SND1: variants seen among roughly 807,000 people sequenced by gnomAD.
SND1 encodes staphylococcal nuclease domain-containing protein 1.
Under a neutral mutation model 121.7 loss-of-function variants are expected in SND1, and 38 were observed. That is an observed-to-expected ratio of 0.31 (90% CI 0.24 to 0.41). SND1 has a LOEUF of 0.41. Ranked by LOEUF, SND1 falls within the 10% of genes least tolerant of loss-of-function variation. SND1 has a pLI of 1.00. For synonymous variants in SND1, 401 were observed against 447.4 expected, an observed-to-expected ratio of 0.90 and a Z score of 1.31; for missense variants, 868 against 1,184.6, an observed-to-expected ratio of 0.73 and a Z score of 3.92.
At chr7:127,816,613 C>T (rs1425931816) in intron 11 of SND1, among the ~76,000 whole-genome samples, 1 of 151,114 alleles carries the variant, frequency 6.6e-6, no homozygotes, top group Non-Finnish European at 1.5e-5. Flanking sequence ...TTAAGAAGGC[C>T]TTAATACGTT....
intron 1 of SND1, among the ~76,000 whole-genome samples, chr7:127,669,185 G>C (rs1317708775): frequency 6.6e-6 from 1 of 152,168 alleles, no homozygotes; most frequent in Non-Finnish European, 1.5e-5. Context: ...TAGAGACGGG[G>C]TTTCACCAGG....
chr7:128,043,861 TATACACACAC>T (rs1325760822), intron 16 of SND1, among the ~76,000 whole-genome samples: 2 of 48,920 alleles, frequency 4.1e-5, no homozygotes, highest in Admixed American at 2.3e-4. Flanking sequence ...TATATACACA[TATACACACAC>T]ACACACACAC....
At chr7:128,006,963 T>A (rs1802993890) in intron 16 of SND1, among the ~76,000 whole-genome samples, 1 of 152,212 alleles carries the variant, frequency 6.6e-6, no homozygotes, top group African/African-American at 2.4e-5. Flanking sequence ...ATCTCAGTCT[T>A]GTTTCCTGAG....
intron 15 of SND1, among the ~76,000 whole-genome samples, chr7:127,940,511 G>A (rs865874827): frequency 1.3e-5 from 2 of 152,198 alleles, no homozygotes; most frequent in South Asian, 4.2e-4. Flanking sequence ...TTAATGCTTT[G>A]AAATCTGGTA....
chr7:127,666,068 C>G (rs1369576208), intron 1 of SND1, among the ~76,000 whole-genome samples: 1 of 152,196 alleles, frequency 6.6e-6, no homozygotes, highest in Non-Finnish European at 1.5e-5. Flanking sequence ...CTGCCTCTAT[C>G]ACTTAAAAGC....
chr7:128,087,990 GGAGT>G (rs942517397), intron 21 of SND1, among the ~76,000 whole-genome samples: 1 of 152,186 alleles, frequency 6.6e-6, no homozygotes, highest in Non-Finnish European at 1.5e-5. Context: ...CCTGGTACCT[GGAGT>G]GAGAGCTGCG....
chr7:127,855,426 T>G (rs772188034), intron 12 of SND1, among the ~76,000 whole-genome samples: 9 of 152,176 alleles, frequency 5.9e-5, no homozygotes, highest in Admixed American at 3.9e-4. Flanking sequence ...TTTTTTTAAA[T>G]GTAGAGTTTG....
intron 11 of SND1, among the ~76,000 whole-genome samples, chr7:127,841,484 A>G (rs1004538637): frequency 2.6e-5 from 4 of 152,080 alleles, no homozygotes; most frequent in African/African-American, 7.2e-5. Flanking sequence ...TGGTATAGCC[A>G]CCTTCACTGT....
intron 12 of SND1, among the ~76,000 whole-genome samples, chr7:127,856,570 G>A (rs1799277786): frequency 6.6e-6 from 1 of 152,220 alleles, no homozygotes; most frequent in Non-Finnish European, 1.5e-5. Flanking sequence ...AGATGTTTAA[G>A]AGCATTAGCT....
intron 1 of SND1, 24 bp downstream of exon 1, chr7:127,652,475 A>G: frequency 6.5e-7 from 1 of 1,543,526 alleles, no homozygotes; most frequent in South Asian, 1.2e-5. Context: ...CCGGACACCG[A>G]CCCCTCTGCC....
chr7:128,066,484 T>C (rs1263500901), intron 16 of SND1, among the ~76,000 whole-genome samples: 1 of 152,174 alleles, frequency 6.6e-6, no homozygotes, highest in Non-Finnish European at 1.5e-5. Flanking sequence ...CAGAACCACA[T>C]TGCCACAGTA....
chr7:127,702,199 T>C (rs1796116798), intron 5 of SND1, among the ~76,000 whole-genome samples: 1 of 152,144 alleles, frequency 6.6e-6, no homozygotes, highest in South Asian at 2.1e-4. Context: ...AGCCATGAGG[T>C]CCCAGACAGT....
At chr7:127,857,771 T>A in intron 12 of SND1, 1 of 651,016 alleles carries the variant, frequency 1.5e-6, no homozygotes, top group East Asian at 2.6e-5. Context: ...TCCAACTTCC[T>A]CACTGCCTGA....
In SND1 at chr7:127,652,370, A is replaced by C. The variant is rs1795136251; in HGVS notation, c.-4A>C. 3 of 1,573,688 alleles carry C rather than the reference A, an allele frequency of 1.9e-6. No homozygotes were observed. The East Asian group carries it at 6.8e-5, about 36-fold the overall frequency. On this transcript the variant is annotated 5_prime_UTR_variant, in exon 1 of 24. Transcript: ENST00000354725. ...CTCCACTCGTTGCCTTTGCATCTCC[A>C]CACATGGCGTCCTCCGCGCAGAGCG...
intron 10 of SND1, among the ~76,000 whole-genome samples, chr7:127,805,502 CCTTGA>C (rs1374709046): frequency 6.6e-6 from 1 of 152,144 alleles, no homozygotes; most frequent in Non-Finnish European, 1.5e-5. Flanking sequence ...ACTCAAATTT[CCTTGA>C]CACTGAAAGT....
rs935233695 is a variant in SND1 at position 128,043,173 on chromosome 7, C to A, written c.1780-31329C>A. 5.4e-4 allele frequency among the ~76,000 whole-genome samples: 82 copies of A among 152,224 alleles called. 1 individual carries two copies. The highest frequency in any genetic ancestry group is 1.9e-3 in the African/African-American group (80 of 41,518). On this transcript the variant is annotated intron_variant, in intron 16 of 23. Transcript: ENST00000354725. ...TGGCTGAAGTATGTTTAATCAGGTG[C>A]CCATCTCAGAGGTTACACCAGGTCT...
chr7:127,969,248 A>G (rs1193333), intron 15 of SND1, among the ~76,000 whole-genome samples: 106,824 of 151,836 alleles, frequency 0.7, 39,219 homozygotes, highest in African/African-American at 0.91. Context: ...GAAGGGAGGA[A>G]GGTATACCGA....
chr7:128,068,288 A>G (rs1697918829), intron 16 of SND1, among the ~76,000 whole-genome samples: 1 of 142,968 alleles, frequency 7.0e-6, no homozygotes, highest in African/African-American at 2.6e-5. Flanking sequence ...TTCTTTAGGA[A>G]AGATTTCAGA....
At chr7:127,694,338 T>C (rs924089530) in intron 2 of SND1, among the ~76,000 whole-genome samples, 3 of 152,244 alleles carry the variant, frequency 2.0e-5, no homozygotes, top group Admixed American at 6.5e-5. Flanking sequence ...GAAACTGTTT[T>C]AGAAACTGGA....
Sources: gnomAD v4.1 joint callset for allele counts (sites outside exome capture counted in the v4.1 genomes callset) on GRCh38, gnomAD v4.1.1 for gene constraint, MANE v1.5 for transcripts, NCBI Gene and HGNC (gene_info 2026-07-23, HGNC 2026-07-21) for gene names.